GRAMD2B: variants seen among roughly 807,000 people sequenced by gnomAD.
GRAMD2B encodes the protein GRAM domain-containing protein 2B.
In GRAMD2B, 41 loss-of-function variants were observed where a neutral mutation model predicts 59.2. The ratio of observed to expected loss-of-function variants is 0.69; its 90% CI spans 0.54 to 0.90. The LOEUF (loss-of-function observed/expected upper bound fraction) is 0.90, where lower values mean the gene tolerates loss of function less well. Among genes scored for constraint, GRAMD2B ranks in the 40% least tolerant of loss-of-function variants. The pLI, the probability that GRAMD2B is intolerant of heterozygous loss-of-function variation, is 0.00. For missense variants in GRAMD2B, 424 were observed against 500.5 expected, an observed-to-expected ratio of 0.85 and a Z score of 1.46; for synonymous variants, 161 against 182.7, an observed-to-expected ratio of 0.88 and a Z score of 0.96.
intron 1 of GRAMD2B, among the ~76,000 whole-genome samples, chr5:126,373,133 T>G (rs535562927): frequency 1.3e-5 from 2 of 152,222 alleles, no homozygotes; most frequent in South Asian, 2.1e-4. Flanking sequence ...CTGTAAGTGG[T>G]TTTTTTAAAT....
At chr5:126,436,945 G>A (rs1762512304) in intron 1 of GRAMD2B, among the ~76,000 whole-genome samples, 1 of 152,186 alleles carries the variant, frequency 6.6e-6, no homozygotes, top group South Asian at 2.1e-4. Flanking sequence ...AAACAGCCAG[G>A]TGACTATTAA....
intron 1 of GRAMD2B, among the ~76,000 whole-genome samples, chr5:126,374,540 CTTATT>C (rs764571913): frequency 3.5e-4 from 53 of 152,088 alleles, no homozygotes; most frequent in Non-Finnish European, 4.7e-4. Context: ...TGTCTGAGTT[CTTATT>C]TTAATTTGTT....
intron 1 of GRAMD2B, among the ~76,000 whole-genome samples, chr5:126,403,384 C>G (rs1278756455): frequency 6.6e-6 from 1 of 151,970 alleles, no homozygotes; most frequent in Non-Finnish European, 1.5e-5. Context: ...TATTTGGCAT[C>G]CTAATAATGA....
intron 1 of GRAMD2B, among the ~76,000 whole-genome samples, chr5:126,381,734 T>C (rs1016794220): frequency 6.6e-6 from 1 of 152,206 alleles, no homozygotes; most frequent in Non-Finnish European, 1.5e-5. Context: ...CATTGTGCTA[T>C]TTGTTGCCTG....
intron 1 of GRAMD2B, among the ~76,000 whole-genome samples, chr5:126,410,272 C>T (rs1426202247): frequency 6.6e-6 from 1 of 151,786 alleles, no homozygotes; most frequent in Admixed American, 6.6e-5. Flanking sequence ...CTATAAATTA[C>T]CTTGGGCAGT....
At chr5:126,438,005 G>A (rs988237150) in intron 1 of GRAMD2B, among the ~76,000 whole-genome samples, 2 of 152,138 alleles carry the variant, frequency 1.3e-5, no homozygotes, top group Non-Finnish European at 2.9e-5. Flanking sequence ...TTGTCAATAT[G>A]GCATCCTCAC....
At chr5:126,425,110 C>T (rs1346855216) in intron 1 of GRAMD2B, among the ~76,000 whole-genome samples, 1 of 152,218 alleles carries the variant, frequency 6.6e-6, no homozygotes, top group East Asian at 1.9e-4. Flanking sequence ...AGTCAGCATG[C>T]ACATCTTTTA....
chr5:126,363,070 T>C (rs913608396), intron 1 of GRAMD2B, among the ~76,000 whole-genome samples: 1 of 152,162 alleles, frequency 6.6e-6, no homozygotes, highest in African/African-American at 2.4e-5. Flanking sequence ...TTACAAATCA[T>C]ATATTTTAAG....
At chr5:126,452,978 A>G (rs1242288725) in intron 1 of GRAMD2B, among the ~76,000 whole-genome samples, 1 of 152,218 alleles carries the variant, frequency 6.6e-6, no homozygotes, top group Non-Finnish European at 1.5e-5. Flanking sequence ...CACAGTCTTC[A>G]GAACAAAAAA....
intron 6 of GRAMD2B, among the ~76,000 whole-genome samples, chr5:126,478,218 G>C (rs145405615): frequency 8.1e-4 from 122 of 150,232 alleles, no homozygotes; most frequent in African/African-American, 2.6e-3. Context: ...TGGGAGAATT[G>C]CTTGAGCCCA....
intron 3 of GRAMD2B, 88 bp from the exon 4 acceptor site, chr5:126,472,150 G>A (rs1769710282): frequency 1.1e-5 from 11 of 979,644 alleles, no homozygotes; most frequent in Non-Finnish European, 1.8e-5. Context: ...ATACTATTAA[G>A]GGAGGGAAAA....
At chr5:126,402,664 A>T (rs1757937575) in intron 1 of GRAMD2B, among the ~76,000 whole-genome samples, 1 of 152,044 alleles carries the variant, frequency 6.6e-6, no homozygotes, top group African/African-American at 2.4e-5. Context: ...GCAGAACCTC[A>T]ATTTATGTGA....
intron 1 of GRAMD2B, among the ~76,000 whole-genome samples, chr5:126,401,663 T>C (rs1757851881): frequency 6.6e-6 from 1 of 152,126 alleles, no homozygotes; most frequent in Admixed American, 6.6e-5. Flanking sequence ...TTTCTGTGGA[T>C]GCACCTGCTC....
At chr5:126,462,684 G>A (rs1213754571) in intron 1 of GRAMD2B, among the ~76,000 whole-genome samples, 1 of 152,158 alleles carries the variant, frequency 6.6e-6, no homozygotes, top group African/African-American at 2.4e-5. Flanking sequence ...TTGGTTTAGT[G>A]CTGGATAACT....
chr5:126,408,036 G>A (rs944086427), intron 1 of GRAMD2B, among the ~76,000 whole-genome samples: 7 of 151,856 alleles, frequency 4.6e-5, no homozygotes, highest in Non-Finnish European at 8.8e-5. Context: ...TTTGGGGTAC[G>A]ATTGATCTCA....
chr5:126,440,049 G>A (rs563821786), intron 1 of GRAMD2B, among the ~76,000 whole-genome samples: 23 of 151,916 alleles, frequency 1.5e-4, no homozygotes, highest in Middle Eastern at 3.4e-3. Context: ...CCCAGTCTCC[G>A]GTGTTTCTTC....
intron 6 of GRAMD2B, among the ~76,000 whole-genome samples, chr5:126,478,140 GAAAA>G (rs11376080): frequency 7.9e-6 from 1 of 126,872 alleles, no homozygotes; most frequent in Admixed American, 8.3e-5. Flanking sequence ...GTCTTAAAGG[GAAAA>G]AAAAAAAAAA....
intron 13 of GRAMD2B, among the ~76,000 whole-genome samples, chr5:126,492,507 G>A (rs1774130189): frequency 6.6e-6 from 1 of 151,792 alleles, no homozygotes. Flanking sequence ...GATCACTTGA[G>A]CCCAGGAGTT....
upstream of GRAMD2B, chr5:126,371,271 AT>A: frequency 3.6e-6 from 4 of 1,100,720 alleles, no homozygotes; most frequent in Non-Finnish European, 4.5e-6. Flanking sequence ...TATGTTAATC[AT>A]TAACTGACTT....
Sources: allele counts gnomAD v4.1 joint callset (sites outside exome capture counted in the v4.1 genomes callset), GRCh38; gene constraint gnomAD v4.1.1; transcripts MANE v1.5; gene names NCBI Gene and HGNC (gene_info 2026-07-23, HGNC 2026-07-21).